Variants in EPHA3 observed in about 807,000 individuals in gnomAD.
The protein encoded by EPHA3 is ephrin type-A receptor 3.
Under a neutral mutation model 107.1 loss-of-function variants are expected in EPHA3, and 42 were observed. The ratio of observed to expected loss-of-function variants is 0.39; its 90% CI spans 0.31 to 0.51. The LOEUF (loss-of-function observed/expected upper bound fraction) is 0.51, where lower values mean the gene tolerates loss of function less well. Ranked by LOEUF, EPHA3 falls within the 20% of genes least tolerant of loss-of-function variation. EPHA3 has a pLI of 0.78. For synonymous variants in EPHA3, 461 were observed against 424.8 expected, an observed-to-expected ratio of 1.09 and a Z score of -1.05; for missense variants, 1,183 against 1,211.2, an observed-to-expected ratio of 0.98 and a Z score of 0.35.
chr3:89,274,612 G>A (rs1256321847), intron 3 of EPHA3, among the ~76,000 whole-genome samples: 1 of 152,002 alleles, frequency 6.6e-6, no homozygotes, highest in African/African-American at 2.4e-5. Context: ...GATATCGGTT[G>A]TATCATAATT....
chr3:89,192,105 A>G (rs79158933), intron 2 of EPHA3, among the ~76,000 whole-genome samples: 2,068 of 152,220 alleles, frequency 0.014, 52 homozygotes, highest in African/African-American at 0.048. Context: ...GGTTATGAGG[A>G]CTATATTAGG....
intron 5 of EPHA3, among the ~76,000 whole-genome samples, chr3:89,383,589 CAAAT>C (rs1708552116): frequency 6.9e-6 from 1 of 144,694 alleles, no homozygotes; most frequent in African/African-American, 2.5e-5. Context: ...TTAAGACAAA[CAAAT>C]TAATAAGAAA....
intron 3 of EPHA3, among the ~76,000 whole-genome samples, chr3:89,232,165 G>A (rs1248543626): frequency 1.3e-5 from 2 of 151,998 alleles, no homozygotes; most frequent in African/African-American, 4.8e-5. Context: ...GTTTAGTAAG[G>A]CTTGAGAGAC....
intron 3 of EPHA3, among the ~76,000 whole-genome samples, chr3:89,263,797 T>G (rs997357799): frequency 7.9e-5 from 12 of 152,118 alleles, no homozygotes; most frequent in Non-Finnish European, 1.6e-4. Context: ...GTTCTAATTT[T>G]GGGCCGTGGT....
At chr3:89,118,230 G>C (rs1399068622) in intron 1 of EPHA3, among the ~76,000 whole-genome samples, 7 of 151,884 alleles carry the variant, frequency 4.6e-5, no homozygotes, top group Admixed American at 4.6e-4. Context: ...CTCTGAAAAA[G>C]AAATTTCCAT....
intron 3 of EPHA3, among the ~76,000 whole-genome samples, chr3:89,275,239 C>T (rs1321030674): frequency 6.6e-6 from 1 of 152,012 alleles, no homozygotes; most frequent in Non-Finnish European, 1.5e-5. Flanking sequence ...TCTACACACT[C>T]CTTTCCCTGG....
intron 3 of EPHA3, among the ~76,000 whole-genome samples, chr3:89,262,987 TTTTA>T (rs1272452765): frequency 2.1e-5 from 3 of 142,200 alleles, no homozygotes; most frequent in Non-Finnish European, 3.0e-5. Context: ...TTTTTTTTTT[TTTTA>T]ATTATACTTT....
At chr3:89,394,140 G>A (rs978721725) in intron 5 of EPHA3, among the ~76,000 whole-genome samples, 2 of 152,156 alleles carry the variant, frequency 1.3e-5, no homozygotes, top group African/African-American at 4.8e-5. Flanking sequence ...GCCAAGTGTG[G>A]TGGTTCATGC....
At chr3:89,237,174 C>A (rs1284156462) in intron 3 of EPHA3, among the ~76,000 whole-genome samples, 1 of 152,060 alleles carries the variant, frequency 6.6e-6, no homozygotes. Flanking sequence ...CCAGCCTGGC[C>A]AACAGGCCAA....
chr3:89,370,717 TA>T (rs1200794240), intron 5 of EPHA3, among the ~76,000 whole-genome samples: 2 of 150,088 alleles, frequency 1.3e-5, no homozygotes, highest in Admixed American at 6.7e-5. Context: ...TAAAATAAAA[TA>T]AAAAAAGAAG....
At chr3:89,340,044 T>C (rs1408499797) in intron 3 of EPHA3, among the ~76,000 whole-genome samples, 2 of 152,216 alleles carry the variant, frequency 1.3e-5, no homozygotes, top group Admixed American at 6.5e-5. Flanking sequence ...CATTTTGAAT[T>C]TTCTATCAGA....
chr3:89,142,679 C>G (rs530002348), intron 2 of EPHA3, among the ~76,000 whole-genome samples: 2 of 151,548 alleles, frequency 1.3e-5, no homozygotes, highest in East Asian at 3.9e-4. Context: ...TATCTCTCAT[C>G]AAATACTGTG....
At chr3:89,366,919 G>T (rs1408604677) in intron 5 of EPHA3, among the ~76,000 whole-genome samples, 1 of 150,646 alleles carries the variant, frequency 6.6e-6, no homozygotes, top group Non-Finnish European at 1.5e-5. Flanking sequence ...TGAAGATGTA[G>T]CCAGTTAGCA....
intron 2 of EPHA3, among the ~76,000 whole-genome samples, chr3:89,145,120 G>T (rs375602928): frequency 5.9e-5 from 9 of 151,634 alleles, no homozygotes; most frequent in African/African-American, 2.2e-4. Context: ...CTTGATAGAG[G>T]AGGGGAGACA....
At chr3:89,308,001 G>A (rs1706667080) in intron 3 of EPHA3, among the ~76,000 whole-genome samples, 3 of 152,128 alleles carry the variant, frequency 2.0e-5, no homozygotes, top group Admixed American at 2.0e-4. Context: ...ATTGAAAATT[G>A]ACTCTTTAGA....
chr3:89,413,545 C>T (rs1709194619), intron 10 of EPHA3, among the ~76,000 whole-genome samples: 1 of 151,710 alleles, frequency 6.6e-6, no homozygotes, highest in Non-Finnish European at 1.5e-5. Context: ...TGTCACAAAA[C>T]CTATTTGGCT....
chr3:89,115,601 A>G (rs1294248635), intron 1 of EPHA3, among the ~76,000 whole-genome samples: 2 of 152,200 alleles, frequency 1.3e-5, no homozygotes, highest in Non-Finnish European at 1.5e-5. Context: ...ATATATCCTC[A>G]GTGCCGTGTT....
chr3:89,283,362 G>A lies in EPHA3; in HGVS notation c.815-57554G>A, dbSNP rs1008902230. Among the ~76,000 whole-genome samples, 4 of 151,900 alleles carry A rather than the reference G, an allele frequency of 2.6e-5. No homozygotes were observed. In the East Asian group the frequency reaches 7.7e-4, roughly 29 times the overall value. ...CATTTATCTGGTGGGGGCTGGTGAG[G>A]GAATATGGTGGGAAATAGAGCACCT... is the stretch of plus-strand genomic sequence containing the variant. On this transcript the variant is annotated intron_variant, in intron 3 of 16. Coordinates refer to ENST00000336596, the MANE Select transcript of EPHA3 (RefSeq NM_005233.6).
rs1710629177 is a variant in EPHA3, at chr3:89,482,051, C to T, written c.*2549C>T. ...GTTTATGTTGTACAATGTAGATGGC[C>T]TCTTACTAATGTAAAATGATTTGTA... On this transcript the variant is annotated 3_prime_UTR_variant, in exon 17 of 17. Coordinates refer to ENST00000336596, the MANE Select transcript of EPHA3 (RefSeq NM_005233.6). 9.1e-6 allele frequency: 2 copies of T among 219,416 alleles called. No individual in the cohort carries two copies. Among genetic ancestry groups the T allele is most frequent in the East Asian group, 1.3e-4 (2 of 14,832 alleles). The allele number at this position is 219,416 out of a possible 1,614,324, so 13.6% of individuals were successfully genotyped here.
Sources: allele counts gnomAD v4.1 joint callset (sites outside exome capture counted in the v4.1 genomes callset), GRCh38; gene constraint gnomAD v4.1.1; transcripts MANE v1.5; gene names NCBI Gene and HGNC (gene_info 2026-07-23, HGNC 2026-07-21).